RFWD3: variants seen among roughly 807,000 people sequenced by gnomAD.
RFWD3 encodes ring finger and WD repeat domain 3.
Under a neutral mutation model 87.7 loss-of-function variants are expected in RFWD3, and 65 were observed. The observed-to-expected ratio is 0.74, with a 90% confidence interval of 0.61 to 0.91. The LOEUF (loss-of-function observed/expected upper bound fraction) is 0.91, where lower values mean the gene tolerates loss of function less well. RFWD3 is among the 40% of genes least tolerant of loss of function. The pLI, the probability that RFWD3 is intolerant of heterozygous loss-of-function variation, is 0.00. For missense variants in RFWD3, 1,078 were observed against 938.5 expected (o/e 1.15, Z -1.94); for synonymous variants, 433 against 352.8 (o/e 1.23, Z -2.55).
At chr16:74,634,626 C>T (rs558307513) in intron 8 of RFWD3, among the ~76,000 whole-genome samples, 20 of 152,204 alleles carry the variant, frequency 1.3e-4, no homozygotes, top group East Asian at 3.9e-4. Flanking sequence ...TGGGCCCAAA[C>T]GATCCTCCCG....
intron 9 of RFWD3, among the ~76,000 whole-genome samples, chr16:74,632,257 T>G (rs752013356): frequency 1.3e-5 from 2 of 151,962 alleles, no homozygotes; most frequent in Non-Finnish European, 2.9e-5. Flanking sequence ...CCAGGCATGG[T>G]TGCAGGCGCC....
intron 6 of RFWD3, among the ~76,000 whole-genome samples, chr16:74,643,345 G>T (rs1424806941): frequency 6.6e-6 from 1 of 152,122 alleles, no homozygotes; most frequent in Non-Finnish European, 1.5e-5. Flanking sequence ...GACAACATAT[G>T]CACATTTCAA....
rs894723194 is a variant in RFWD3, at chr16:74,628,481, GA to G, written c.1939del (p.Ser647ProfsTer6). 7 of 1,614,046 alleles carry G rather than the reference GA, an allele frequency of 4.3e-6. No homozygotes were observed. The highest frequency in any genetic ancestry group is 4.2e-6 in the Non-Finnish European group (5 of 1,180,038). The stretch of plus-strand genomic sequence containing the variant: ...CCTGTAGGTCACAAGACAGTGCCGG[GA>G]GCTGTTCTCTGTCTGAAAGTCTATG... ...GCIDFQTENS[S>X]RHCLVTYRPD... On this transcript the variant is annotated frameshift_variant, in exon 11 of 13. Transcript: ENST00000361070. LOFTEE classifies it high-confidence loss of function.
chr16:74,642,642 C>T (rs1044501631), intron 6 of RFWD3, among the ~76,000 whole-genome samples: 3 of 151,952 alleles, frequency 2.0e-5, no homozygotes, highest in Non-Finnish European at 4.4e-5. Context: ...CAGGTGTGTA[C>T]CACTACACAC....
intron 10 of RFWD3, among the ~76,000 whole-genome samples, chr16:74,629,003 G>A (rs191753473): frequency 1.1e-3 from 168 of 152,238 alleles, no homozygotes; most frequent in African/African-American, 2.6e-3. Context: ...AGAAAAGTCA[G>A]AAAAGAAACA....
intron 2 of RFWD3, among the ~76,000 whole-genome samples, chr16:74,653,349 CAAAAAAAT>C (rs1305391564): frequency 1.3e-5 from 2 of 151,416 alleles, no homozygotes; most frequent in African/African-American, 2.4e-5. Flanking sequence ...AACAAAAAAA[CAAAAAAAT>C]GACACCCAAA....
intron 12 of RFWD3, among the ~76,000 whole-genome samples, chr16:74,625,969 T>C (rs1958919951): frequency 6.6e-6 from 1 of 152,162 alleles, no homozygotes; most frequent in Non-Finnish European, 1.5e-5. Context: ...GCAGATCACT[T>C]GAGGTCAGGA....
At chr16:74,648,774 C>CAA (rs916968117) in intron 4 of RFWD3, among the ~76,000 whole-genome samples, 2 of 145,184 alleles carry the variant, frequency 1.4e-5, no homozygotes, top group African/African-American at 5.1e-5. Context: ...GACTCCGTCT[C>CAA]AAAAAAAAAG....
At chr16:74,661,915 C>A (rs78702653) in intron 1 of RFWD3, among the ~76,000 whole-genome samples, 2,727 of 152,308 alleles carry the variant, frequency 0.018, 37 homozygotes, top group Non-Finnish European at 0.028. Context: ...ATTTTTTACA[C>A]TTGCAAAATT....
chr16:74,636,419 C>A lies in RFWD3; in HGVS notation c.1353G>T (p.Arg451=), dbSNP rs374263739. The A allele has an allele frequency of 1.9e-6, 3 of 1,614,062 alleles. No individual in the cohort carries two copies. The highest frequency in any genetic ancestry group is 2.7e-5 in the African/African-American group (2 of 74,918). ...TFTVSQAGNC[R]IMAYCDALSC... The stretch of plus-strand genomic sequence containing the variant: ...TCAGAGCATCACAGTATGCCATGAT[C>A]CGGCAGTTTCCTGCCTGAGATACTG... The change falls in exon 8 of 13, where the codon CGG becomes CGT. Residue 451 remains arginine (R), a synonymous_variant. Transcript: ENST00000361070.
intron 9 of RFWD3, among the ~76,000 whole-genome samples, chr16:74,631,812 G>C (rs1048110029): frequency 1.3e-5 from 2 of 151,902 alleles, no homozygotes; most frequent in African/African-American, 4.8e-5. Context: ...TTAAAGACGG[G>C]GTTTCACCAT....
chr16:74,651,755 C>G (rs1341488047), intron 3 of RFWD3, among the ~76,000 whole-genome samples, 165 bp downstream of exon 3: 1 of 152,218 alleles, frequency 6.6e-6, no homozygotes, highest in Admixed American at 6.5e-5. Context: ...CAAATCCTCT[C>G]TACATAATTA....
At chr16:74,656,661 T>A (rs368052815) in intron 2 of RFWD3, among the ~76,000 whole-genome samples, 1 of 152,128 alleles carries the variant, frequency 6.6e-6, no homozygotes, top group South Asian at 2.1e-4. Context: ...TTTCAACATG[T>A]TGGCCAGGTT....
At chr16:74,649,080 TA>T in intron 4 of RFWD3, 51 bp downstream of exon 4, 1 of 1,286,076 alleles carries the variant, frequency 7.8e-7, no homozygotes, top group Non-Finnish European at 1.1e-6. Context: ...ACCTAGTCTC[TA>T]AAAATAAATA....
intron 2 of RFWD3, among the ~76,000 whole-genome samples, chr16:74,654,189 T>C (rs1209654718): frequency 6.6e-6 from 1 of 152,206 alleles, no homozygotes; most frequent in African/African-American, 2.4e-5. Context: ...CATTTTAGTA[T>C]TTTGAGTCTT....
intron 10 of RFWD3, among the ~76,000 whole-genome samples, chr16:74,629,396 C>T (rs948878768): frequency 1.3e-5 from 2 of 152,210 alleles, no homozygotes; most frequent in African/African-American, 2.4e-5. Flanking sequence ...TGGTGGCTCA[C>T]GCCTGTAATC....
intron 2 of RFWD3, among the ~76,000 whole-genome samples, chr16:74,655,477 G>A (rs544063970): frequency 8.5e-4 from 127 of 149,968 alleles, no homozygotes; most frequent in Non-Finnish European, 1.3e-3. Flanking sequence ...TCGATCTCCT[G>A]ACCTCGTGAT....
chr16:74,633,276 T>G (rs561425611), intron 8 of RFWD3, among the ~76,000 whole-genome samples: 1 of 74,986 alleles, frequency 1.3e-5, no homozygotes, highest in Non-Finnish European at 2.3e-5. Context: ...AAACTCCGTC[T>G]CAGAAAAAAA....
intron 6 of RFWD3, among the ~76,000 whole-genome samples, chr16:74,639,421 T>C (rs1959443272): frequency 6.6e-6 from 1 of 152,206 alleles, no homozygotes; most frequent in African/African-American, 2.4e-5. Context: ...CACCATCGTA[T>C]ATGCAATCTG....
Sources: gnomAD v4.1 joint callset for allele counts (sites outside exome capture counted in the v4.1 genomes callset) on GRCh38, gnomAD v4.1.1 for gene constraint, MANE v1.5 for transcripts, NCBI Gene and HGNC (gene_info 2026-07-23, HGNC 2026-07-21) for gene names.